The following ZRANB1 variants were observed in gnomAD, a reference collection of about 807,000 sequenced individuals.
The protein encoded by ZRANB1 is ubiquitin thioesterase ZRANB1.
Under a neutral mutation model 80.5 loss-of-function variants are expected in ZRANB1, and 16 were observed. The observed-to-expected ratio is 0.20, with a 90% CI of 0.13 to 0.30. The LOEUF is 0.30. Ranked by LOEUF, ZRANB1 falls within the 10% of genes least tolerant of loss-of-function variation. The pLI is 1.00. For synonymous variants in ZRANB1, 291 were observed against 293.1 expected (o/e 0.99, Z 0.07); for missense variants, 576 against 862.6 (o/e 0.67, Z 4.16).
chr10:124,963,554 G>GTTTTTTTTTTTTTTTTT (rs760813299), intron 1 of ZRANB1, among the ~76,000 whole-genome samples: 276 of 57,146 alleles, frequency 4.8e-3, no homozygotes, highest in East Asian at 8.8e-3. Flanking sequence ...TTTTTTGTTT[G>GTTTTTTTTTTTTTTTTT]TTTTTTTTTT....
chr10:124,929,935 ACT>A, the ZRANB1 span, among the ~76,000 whole-genome samples: 1 of 125,302 alleles, frequency 8.0e-6, no homozygotes, highest in South Asian at 2.9e-4. Context: ...ACAGAGCGAG[ACT>A]CTGTCTCAAA....
upstream of ZRANB1, among the ~76,000 whole-genome samples, chr10:124,939,370 G>A (rs997906383): frequency 4.6e-5 from 7 of 152,156 alleles, no homozygotes; most frequent in African/African-American, 1.7e-4. Flanking sequence ...CTTGAGCTTG[G>A]TTTTGGTATT....
chr10:124,984,974 G>T lies in ZRANB1; in HGVS notation c.2109G>T (p.Glu703Asp), dbSNP rs570770932. Reference sequence around the variant, plus strand: ...CCCTGTCTGATGGAGAGGAAGATGAGGATGATGAAGATGAATGAAAAAAAA... The same window carrying T: ...CCCTGTCTGATGGAGAGGAAGATGATGATGATGAAGATGAATGAAAAAAAA... ...CTSLSDGEED[E>D]DDEDE Residue 703 changes from glutamate (E) to aspartate (D), a missense_variant, in exon 9 of 9, where the codon GAG becomes GAT. Glu to Asp is a conservative substitution (Grantham distance 45). Around this residue, in one of 3 missense-constraint regions of ZRANB1, gnomAD observed 152 missense variants for 221.9 expected, o/e 0.69. Coordinates refer to ENST00000359653, the MANE Select transcript of ZRANB1 (RefSeq NM_017580.3). The T allele has an allele frequency of 1.2e-6, 2 of 1,612,018 alleles. No homozygotes were observed. The highest frequency in any genetic ancestry group is 1.7e-6 in the Non-Finnish European group (2 of 1,179,034).
chr10:124,931,884 G>C, the ZRANB1 span, among the ~76,000 whole-genome samples: 1 of 152,100 alleles, frequency 6.6e-6, no homozygotes, highest in Non-Finnish European at 1.5e-5. Context: ...TAGATTCTAT[G>C]GGCTTTGACA....
rs758509775 is a variant in ZRANB1 at position 124,972,079 on chromosome 10, T to C, written c.1117T>C (p.Tyr373His). The change falls in exon 3 of 9, where the codon TAT (tyrosine) becomes CAT (histidine). Residue 373 changes from tyrosine to histidine, a missense_variant. Tyr to His is a moderately conservative substitution (Grantham distance 83, BLOSUM62 2). Around this residue, in one of 3 missense-constraint regions of ZRANB1, gnomAD observed 411 missense variants for 583.1 expected, o/e 0.70. Transcript: ENST00000359653. Reference sequence around the variant, plus strand: ...TCAGAGAAAGGGGGATTTTGCTTGCTATTTTCTGACTGACCTTGTAACATT... The same window carrying C: ...TCAGAGAAAGGGGGATTTTGCTTGCCATTTTCTGACTGACCTTGTAACATT... Reference protein sequence around the residue: ...LHQRKGDFACYFLTDLVTFTL... With the variant: ...LHQRKGDFACHFLTDLVTFTL... The C allele has an allele frequency of 6.2e-7, 1 of 1,613,998 alleles. No individual in the cohort carries two copies.
At chr10:124,962,005 A>G (rs867566361) in intron 1 of ZRANB1, among the ~76,000 whole-genome samples, 11 of 152,202 alleles carry the variant, frequency 7.2e-5, no homozygotes, top group Non-Finnish European at 1.6e-4. Flanking sequence ...GCTTTTGCCT[A>G]CTTGAAGGTA....
intron 1 of ZRANB1, among the ~76,000 whole-genome samples, chr10:124,951,383 GA>G: frequency 6.6e-6 from 1 of 152,222 alleles, no homozygotes; most frequent in Middle Eastern, 3.4e-3. Flanking sequence ...CTTTGAACTG[GA>G]ATGATTTTAA....
chr10:124,925,526 CT>C, the ZRANB1 span, among the ~76,000 whole-genome samples: 3 of 152,096 alleles, frequency 2.0e-5, no homozygotes, highest in Non-Finnish European at 4.4e-5. Flanking sequence ...CAAATACTTT[CT>C]TCTGTCTGTG....
At chr10:124,935,221 A>G in the ZRANB1 span, among the ~76,000 whole-genome samples, 7 of 152,234 alleles carry the variant, frequency 4.6e-5, no homozygotes, top group Non-Finnish European at 7.3e-5. Context: ...ATGTAGTTGT[A>G]TACTTAAGTA....
At chr10:124,973,233 G>A (rs1264006039) in intron 3 of ZRANB1, among the ~76,000 whole-genome samples, 1 of 152,154 alleles carries the variant, frequency 6.6e-6, no homozygotes, top group Non-Finnish European at 1.5e-5. Flanking sequence ...GCTCATTGCA[G>A]CCTTGGCCTC....
chr10:124,938,423 C>T (rs35923069), upstream of ZRANB1, among the ~76,000 whole-genome samples: 1 of 151,926 alleles, frequency 6.6e-6, no homozygotes, highest in South Asian at 2.1e-4. Context: ...GTCCCCTGGG[C>T]TGAAGCGATC....
rs1430770908 is a variant in ZRANB1, at chr10:124,983,240, A to G, written c.1614A>G (p.Ile538Met). 6.2e-7 allele frequency: 1 copy of G among 1,614,158 alleles called. No homozygotes were observed. The highest frequency in any genetic ancestry group is 1.7e-5 in the Admixed American group (1 of 60,020). ...CACATATTCTTAGACGACCAATTAT[A>G]GTTTATGGAGTAAAATATTACAAGA... ...VLAHILRRPI[I>M]VYGVKYYKSF... The change falls in exon 7 of 9, where the codon ATA (isoleucine) becomes ATG (methionine). Residue 538 changes from isoleucine to methionine, a missense_variant. This residue lies in a region of ZRANB1 where 152 missense variants were observed against 221.9 expected (regional missense o/e 0.69). Coordinates refer to ENST00000359653, the MANE Select transcript of ZRANB1 (RefSeq NM_017580.3). This position sits in a 1 kb window ranked among gnomAD's most constrained non-coding sequence, Gnocchi z 6.2.
At chr10:124,979,826 A>AT (rs1450292668) in intron 5 of ZRANB1, among the ~76,000 whole-genome samples, 3 of 152,238 alleles carry the variant, frequency 2.0e-5, no homozygotes, top group Non-Finnish European at 4.4e-5. Flanking sequence ...TTAGTTGACC[A>AT]TAAAAGTAAG....
the ZRANB1 span, among the ~76,000 whole-genome samples, chr10:124,918,481 G>C: frequency 2.0e-5 from 3 of 152,200 alleles, no homozygotes; most frequent in Non-Finnish European, 4.4e-5. Flanking sequence ...GTGCCACCGC[G>C]CTTGGCCTGA....
intron 1 of ZRANB1, among the ~76,000 whole-genome samples, chr10:124,944,937 C>T (rs1013055560): frequency 1.3e-5 from 2 of 152,008 alleles, no homozygotes; most frequent in African/African-American, 4.8e-5. Flanking sequence ...GGGATGAAAA[C>T]ATACCGGGCT....
At chr10:124,930,253 C>T in the ZRANB1 span, among the ~76,000 whole-genome samples, 1 of 151,598 alleles carries the variant, frequency 6.6e-6, no homozygotes, top group Non-Finnish European at 1.5e-5. Flanking sequence ...CAGTACATTT[C>T]CTTCCTTCCT....
chr10:124,948,926 A>C (rs1951607334), intron 1 of ZRANB1, among the ~76,000 whole-genome samples: 1 of 152,080 alleles, frequency 6.6e-6, no homozygotes, highest in Non-Finnish European at 1.5e-5. Context: ...CCTCCTATGA[A>C]TTTCTAGATT....
rs57697692 is a variant in ZRANB1, at chr10:124,945,409, A to ATTTTTTTTT, written c.814+2119_814+2127dup. On this transcript the variant is annotated intron_variant, in intron 1 of 8. Coordinates refer to ENST00000359653, the MANE Select transcript of ZRANB1 (RefSeq NM_017580.3). ...ATGCCTTTGGAACAGTCTTAAAATC[A>ATTTTTTTTT]TTTTTTTTTTTTTTTTTTTTTTTTT... 3.8e-4 allele frequency: 47 copies of ATTTTTTTTT among 123,534 alleles called. 3 individuals carry two copies. The highest frequency in any genetic ancestry group is 1.3e-3 in the African/African-American group (34 of 26,128). The allele number at this position is 123,534 out of a possible 1,614,324, so 7.7% of individuals were successfully genotyped here.
chr10:124,940,902 G>C (rs1167488254), upstream of ZRANB1, among the ~76,000 whole-genome samples: 1 of 151,972 alleles, frequency 6.6e-6, no homozygotes, highest in Admixed American at 6.6e-5. Flanking sequence ...GCTTGAACCT[G>C]GGAGGTGGAG....
Sources: allele counts gnomAD v4.1 joint callset (sites outside exome capture counted in the v4.1 genomes callset), GRCh38; gene constraint gnomAD v4.1.1; regional missense constraint gnomAD v4.1.1; non-coding constraint Gnocchi (gnomAD v3.1); transcripts MANE v1.5; gene names NCBI Gene and HGNC (gene_info 2026-07-23, HGNC 2026-07-21).